Variants in DCTN4 observed in about 807,000 individuals in gnomAD.
The protein encoded by DCTN4 is dynactin 4 (p62).
A neutral mutation model predicts 62.7 loss-of-function variants in DCTN4; 23 were observed. The ratio of observed to expected loss-of-function variants is 0.37; its 90% CI spans 0.26 to 0.52. The LOEUF (loss-of-function observed/expected upper bound fraction) is 0.52, where lower values mean the gene tolerates loss of function less well. DCTN4 is among the 20% of genes least tolerant of loss of function. The probability of loss-of-function intolerance (pLI) is 0.92; values close to 1 mark genes in which losing one functional copy is unlikely to be tolerated. For missense variants in DCTN4, 514 were observed against 580.4 expected, an observed-to-expected ratio of 0.89 and a Z score of 1.18; for synonymous variants, 199 against 202.1, an observed-to-expected ratio of 0.98 and a Z score of 0.13.
At chr5:150,756,835 C>T (rs1386259575) in intron 1 of DCTN4, among the ~76,000 whole-genome samples, 1 of 152,086 alleles carries the variant, frequency 6.6e-6, no homozygotes, top group South Asian at 2.1e-4. Flanking sequence ...GATAAAATAT[C>T]CTCCTGTCTA....
Position 150,756,330 on chromosome 5 carries a change from T to C in DCTN4, c.206+87A>G, listed in dbSNP as rs1458098548. ...CTGGGATTACAGGCGTGAGCCACCA[T>C]GCCTGGCCCATGTGTCTTTTTAACT... On this transcript the variant is annotated intron_variant, in intron 2 of 12. Transcript: ENST00000447998. 3 of 933,592 alleles carry C rather than the reference T, an allele frequency of 3.2e-6. No individual in the cohort carries two copies. In the East Asian group the frequency reaches 7.9e-5, roughly 25 times the overall value. The allele number at this position is 933,592 out of a possible 1,614,324, so 57.8% of individuals were successfully genotyped here. A position where few individuals can be genotyped will look rare whatever the true frequency, so the allele number is the denominator to read the frequency against.
intron 12 of DCTN4, among the ~76,000 whole-genome samples, chr5:150,711,717 G>A (rs563209080): frequency 2.0e-5 from 3 of 152,096 alleles, no homozygotes; most frequent in East Asian, 1.9e-4. Context: ...ATGGGGTTTC[G>A]CCACGTTGCC....
intron 8 of DCTN4, among the ~76,000 whole-genome samples, chr5:150,726,811 C>A (rs1760161242): frequency 6.6e-6 from 1 of 152,138 alleles, no homozygotes; most frequent in Non-Finnish European, 1.5e-5. Flanking sequence ...TAAACTTAAG[C>A]AGAAGAACAG....
At chr5:150,756,574 A>T in intron 1 of DCTN4, 87 bp from the exon 2 acceptor site, 3 of 791,464 alleles carry the variant, frequency 3.8e-6, no homozygotes, top group Non-Finnish European at 6.0e-6. Context: ...GAATTTTAAA[A>T]TATGTTATAC....
At chr5:150,738,898 T>C (rs919485028) in intron 4 of DCTN4, among the ~76,000 whole-genome samples, 2 of 152,110 alleles carry the variant, frequency 1.3e-5, no homozygotes, top group African/African-American at 4.8e-5. Flanking sequence ...ATCTGATCAA[T>C]GAATTCAATA....
At chr5:150,751,874 GT>G (rs1468107484) in intron 3 of DCTN4, among the ~76,000 whole-genome samples, 1 of 152,100 alleles carries the variant, frequency 6.6e-6, no homozygotes, top group Admixed American at 6.6e-5. Flanking sequence ...TAAGAACATA[GT>G]TGAATCTAAA....
intron 4 of DCTN4, among the ~76,000 whole-genome samples, chr5:150,739,981 G>GATA (rs1222989417): frequency 1.3e-5 from 2 of 152,112 alleles, no homozygotes; most frequent in African/African-American, 4.8e-5. Flanking sequence ...AATTCTAGAA[G>GATA]ATAACATGAG....
intron 4 of DCTN4, among the ~76,000 whole-genome samples, chr5:150,735,568 T>C (rs1429124576): frequency 2.6e-5 from 4 of 151,980 alleles, no homozygotes; most frequent in Non-Finnish European, 5.9e-5. Flanking sequence ...AGAGCAGCAA[T>C]AACAATAATT....
chr5:150,718,628 A>C (rs1442645989), intron 10 of DCTN4, among the ~76,000 whole-genome samples: 1 of 152,082 alleles, frequency 6.6e-6, no homozygotes, highest in Non-Finnish European at 1.5e-5. Flanking sequence ...AGGGCCAGTT[A>C]CTAGATCCAG....
chr5:150,757,460 C>T (rs1057092084), intron 1 of DCTN4, among the ~76,000 whole-genome samples: 4 of 152,276 alleles, frequency 2.6e-5, no homozygotes, highest in South Asian at 4.1e-4. Context: ...TAATGGCCTC[C>T]ATATCACAGG....
At chr5:150,728,481 C>T (rs931874935) in intron 8 of DCTN4, among the ~76,000 whole-genome samples, 9 of 152,058 alleles carry the variant, frequency 5.9e-5, no homozygotes, top group Admixed American at 1.3e-4. Context: ...TTTGTTCTCT[C>T]GGTTACTGAG....
chr5:150,724,932 C>T (rs912624207), intron 8 of DCTN4, among the ~76,000 whole-genome samples: 2 of 151,888 alleles, frequency 1.3e-5, no homozygotes, highest in Admixed American at 6.6e-5. Context: ...CTGAGGCGGG[C>T]GGACCACGAG....
At chr5:150,714,689 T>TAG (rs1324464483) in intron 12 of DCTN4, among the ~76,000 whole-genome samples, 1 of 152,162 alleles carries the variant, frequency 6.6e-6, no homozygotes, top group African/African-American at 2.4e-5. Context: ...AATGCTTCTT[T>TAG]ACCCAGGAGG....
intron 5 of DCTN4, chr5:150,731,816 T>C: frequency 7.1e-7 from 1 of 1,402,240 alleles, no homozygotes; most frequent in Non-Finnish European, 9.9e-7. Context: ...ACAACAGACG[T>C]CTTCCTGGAA....
rs755767590 is a variant in DCTN4 at position 150,758,936 on chromosome 5, C to T, written c.58G>A (p.Val20Ile). The T allele has an allele frequency of 6.2e-6, 10 of 1,614,012 alleles. No homozygotes were observed. In the East Asian group the frequency reaches 1.1e-4, roughly 18 times the overall value. The change falls in exon 1 of 13, where the codon GTT (valine) becomes ATT (isoleucine). Residue 20 changes from valine to isoleucine, a missense_variant. Physicochemically the swap from Val to Ile is conservative, Grantham distance 29 (BLOSUM62 3). Transcript: ENST00000447998. ...VLYLVQGEKK[V>I]RAPLSQLYFC... ...TAGAGTTGCGAGAGCGGGGCCCGAA[C>T]CTTCTTTTCTCCCTGGACTAGATAG... is the stretch of plus-strand genomic sequence containing the variant.
chr5:150,738,115 T>C (rs1330571976), intron 4 of DCTN4, among the ~76,000 whole-genome samples: 1 of 151,560 alleles, frequency 6.6e-6, no homozygotes, highest in Non-Finnish European at 1.5e-5. Flanking sequence ...GAGATTGAAA[T>C]GGTAATTAAA....
chr5:150,748,162 T>C (rs1752528973), intron 3 of DCTN4, among the ~76,000 whole-genome samples: 1 of 152,158 alleles, frequency 6.6e-6, no homozygotes, highest in African/African-American at 2.4e-5. Flanking sequence ...AAGACATTTA[T>C]GCAGCCAAAA....
chr5:150,744,994 G>A (rs1760907754), intron 3 of DCTN4, among the ~76,000 whole-genome samples: 1 of 150,970 alleles, frequency 6.6e-6, no homozygotes, highest in African/African-American at 2.5e-5. Context: ...ACACAGACTG[G>A]CAAATTGGAT....
intron 10 of DCTN4, among the ~76,000 whole-genome samples, chr5:150,718,917 C>T (rs935230289): frequency 1.3e-5 from 2 of 152,090 alleles, no homozygotes; most frequent in Non-Finnish European, 2.9e-5. Flanking sequence ...CTCCTGGGCT[C>T]AGGTGATCCT....
Sources: gnomAD v4.1 joint callset for allele counts (sites outside exome capture counted in the v4.1 genomes callset) on GRCh38, gnomAD v4.1.1 for gene constraint, MANE v1.5 for transcripts, NCBI Gene and HGNC (gene_info 2026-07-23, HGNC 2026-07-21) for gene names.